The following OCA2 variants were observed in gnomAD, a reference collection of about 807,000 sequenced individuals.
OCA2 encodes the protein OCA2 melanosomal transmembrane protein, also known as P protein.
A neutral mutation model predicts 100.2 loss-of-function variants in OCA2; 77 were observed. The observed-to-expected ratio is 0.77, with a 90% confidence interval of 0.64 to 0.93. The LOEUF (loss-of-function observed/expected upper bound fraction) is 0.93. Ranked by LOEUF, OCA2 falls within the 40% of genes least tolerant of loss-of-function variation. The probability of loss-of-function intolerance (pLI) is 0.00; values close to 1 mark genes in which losing one functional copy is unlikely to be tolerated. For missense variants in OCA2, 1,062 were observed against 1,089.1 expected (o/e 0.98, Z 0.35); for synonymous variants, 432 against 439.2 (o/e 0.98, Z 0.21).
intron 14 of OCA2, 100 bp downstream of exon 14, chr15:27,983,245 G>T: frequency 1.4e-6 from 2 of 1,434,122 alleles, no homozygotes; most frequent in Non-Finnish European, 2.0e-6. Context: ...GAGGTGGCGT[G>T]ATGATCTTGA....
intron 23 of OCA2, among the ~76,000 whole-genome samples, chr15:27,836,575 A>C (rs2035161951): frequency 6.6e-6 from 1 of 152,244 alleles, no homozygotes; most frequent in African/African-American, 2.4e-5. Context: ...GTGAGTTTAC[A>C]GCACTGTGAT....
chr15:27,794,915 G>A (rs1258894535), intron 23 of OCA2, among the ~76,000 whole-genome samples: 1 of 152,168 alleles, frequency 6.6e-6, no homozygotes, highest in African/African-American at 2.4e-5. Context: ...GTTCTTTTCA[G>A]AATATGTAAC....
At chr15:27,993,151 C>T (rs1172941598) in intron 9 of OCA2, among the ~76,000 whole-genome samples, 1 of 152,092 alleles carries the variant, frequency 6.6e-6, no homozygotes, top group Non-Finnish European at 1.5e-5. Flanking sequence ...GAGTGAAGAG[C>T]CATGACTGCC....
rs2039935921 is a variant in OCA2, at chr15:27,948,895, A to G, written c.1951+2889T>C. ...TATATGACAGCCCCAAAAACACAAA[A>G]CCATAGTGATGGAGACAAGATCAGT... On this transcript the variant is annotated intron_variant, in intron 18 of 23. Transcript: ENST00000354638. Among the ~76,000 whole-genome samples, 2 of 152,128 alleles carry G rather than the reference A, an allele frequency of 1.3e-5. 1 individual carries two copies. Among genetic ancestry groups the G allele is most frequent in the South Asian group, 4.2e-4 (2 of 4,818 alleles).
chr15:28,004,654 A>G (rs531046349), intron 9 of OCA2, among the ~76,000 whole-genome samples: 2 of 151,484 alleles, frequency 1.3e-5, no homozygotes, highest in African/African-American at 4.9e-5. Flanking sequence ...TCTGACACAC[A>G]CCCTCACATG....
At chr15:27,779,209 T>C (rs1050302930) in intron 23 of OCA2, among the ~76,000 whole-genome samples, 4 of 152,228 alleles carry the variant, frequency 2.6e-5, no homozygotes, top group African/African-American at 9.6e-5. Flanking sequence ...TCCTGGAGAA[T>C]GTTCCCTGTG....
intron 21 of OCA2, among the ~76,000 whole-genome samples, chr15:27,863,783 C>T (rs2036221550): frequency 6.6e-6 from 1 of 152,166 alleles, no homozygotes; most frequent in African/African-American, 2.4e-5. Flanking sequence ...AGGCCTAACA[C>T]TTTGCTCTTC....
At chr15:27,740,480 T>A in the OCA2 span, among the ~76,000 whole-genome samples, 1 of 152,036 alleles carries the variant, frequency 6.6e-6, no homozygotes, top group African/African-American at 2.4e-5. Flanking sequence ...TGGTCATCTC[T>A]CCACTAGGAG....
At chr15:28,079,966 C>T (rs1420793004) in intron 2 of OCA2, among the ~76,000 whole-genome samples, 1 of 152,230 alleles carries the variant, frequency 6.6e-6, no homozygotes, top group Non-Finnish European at 1.5e-5. Context: ...GCCCCTGGTA[C>T]ACCATACATC....
intron 14 of OCA2, among the ~76,000 whole-genome samples, chr15:27,974,519 C>T (rs1418585852): frequency 1.3e-5 from 2 of 152,196 alleles, no homozygotes; most frequent in Non-Finnish European, 1.5e-5. Context: ...ATAATCTCAG[C>T]ACTTTGGGAG....
At position 27,956,511 on chromosome 15, in the gene OCA2, A is replaced by G. The variant is rs546483925; in HGVS notation, c.1784+1077T>C. ...CTGATGGGAACGTGGTGAGCCTCGG[A>G]GCCCACATGTTTCCTCATGTTTGTA... On this transcript the variant is annotated intron_variant, in intron 16 of 23. Transcript: ENST00000354638. Among the ~76,000 whole-genome samples, 6 of 152,318 alleles carry G rather than the reference A, an allele frequency of 3.9e-5. No individual in the cohort carries two copies. In the South Asian group the frequency reaches 1.2e-3, roughly 32 times the overall value.
chr15:27,851,253 G>A, intron 22 of OCA2, 129 bp downstream of exon 22: 1 of 801,438 alleles, frequency 1.2e-6, no homozygotes, highest in Non-Finnish European at 2.1e-6. Context: ...CTGAATATGT[G>A]TGTCCACTCA....
In OCA2 at chr15:28,054,449, G is replaced by A. The variant is rs555260149; in HGVS notation, c.228-22286C>T. 1.2e-4 allele frequency among the ~76,000 whole-genome samples: 19 copies of A among 152,272 alleles called. No homozygotes were observed. In the South Asian group the frequency reaches 3.3e-3, roughly 27 times the overall value. On this transcript the variant is annotated intron_variant, in intron 2 of 23. Coordinates refer to ENST00000354638, the MANE Select transcript of OCA2 (RefSeq NM_000275.3). ...TGGCCAAGAGGAGCCCCACCTCAAC[G>A]TGTTTTCTGATCCTGGCAACACCTC... is the stretch of plus-strand genomic sequence containing the variant.
chr15:27,970,362 G>C (rs1281240437), intron 14 of OCA2, among the ~76,000 whole-genome samples: 2 of 152,130 alleles, frequency 1.3e-5, no homozygotes, highest in Non-Finnish European at 2.9e-5. Flanking sequence ...ACAAGAGAGA[G>C]ACACTGTCTC....
intron 23 of OCA2, among the ~76,000 whole-genome samples, chr15:27,764,703 T>A (rs1314596457): frequency 6.6e-6 from 1 of 152,104 alleles, no homozygotes; most frequent in Non-Finnish European, 1.5e-5. Context: ...TCACCCTTAC[T>A]GAAAACACTT....
intron 23 of OCA2, among the ~76,000 whole-genome samples, chr15:27,829,212 TATAG>T (rs907313809): frequency 1.3e-4 from 20 of 151,894 alleles, no homozygotes; most frequent in South Asian, 2.1e-4. Flanking sequence ...AATGAGTAGA[TATAG>T]ATAGATAGGT....
chr15:27,743,169 G>A, the OCA2 span, among the ~76,000 whole-genome samples: 1 of 152,234 alleles, frequency 6.6e-6, no homozygotes, highest in African/African-American at 2.4e-5. Context: ...TTATCAAAAG[G>A]CATCTGCAGG....
chr15:27,956,009 C>A (rs2040211625), intron 16 of OCA2, among the ~76,000 whole-genome samples: 1 of 152,164 alleles, frequency 6.6e-6, no homozygotes. Context: ...TCACAGCAGA[C>A]ACAGTCGAAT....
At chr15:28,067,388 G>T (rs1402681395) in intron 2 of OCA2, among the ~76,000 whole-genome samples, 1 of 151,902 alleles carries the variant, frequency 6.6e-6, no homozygotes, top group Non-Finnish European at 1.5e-5. Context: ...TTATTTCTTT[G>T]GATTGGTTTG....
Sources: allele counts gnomAD v4.1 joint callset (sites outside exome capture counted in the v4.1 genomes callset), GRCh38; gene constraint gnomAD v4.1.1; transcripts MANE v1.5; gene names NCBI Gene and HGNC (gene_info 2026-07-23, HGNC 2026-07-21).